Variants in SPTBN1 observed in about 807,000 individuals in gnomAD.
The protein encoded by SPTBN1 is spectrin beta chain, non-erythrocytic 1.
A neutral mutation model predicts 266.4 loss-of-function variants in SPTBN1; 32 were observed. That is an observed-to-expected ratio of 0.12 (90% CI 0.09 to 0.16). The LOEUF (loss-of-function observed/expected upper bound fraction) is 0.16. Ranked by LOEUF, SPTBN1 falls within the 10% of genes least tolerant of loss-of-function variation. The probability of loss-of-function intolerance (pLI) is 1.00; values close to 1 mark genes in which losing one functional copy is unlikely to be tolerated. For missense variants in SPTBN1, 2,296 were observed against 3,067.1 expected, an observed-to-expected ratio of 0.75 and a Z score of 5.94; for synonymous variants, 1,336 against 1,162.2, an observed-to-expected ratio of 1.15 and a Z score of -3.04.
At position 54,489,857 on chromosome 2, in the gene SPTBN1, C is replaced by T. The variant is rs142810844; in HGVS notation, c.-48+33339C>T. Reference sequence around the variant, plus strand: ...AATGTAGGTTATTTATAGAAGATGTCCTTTACTTTGATATAATCTTCCTAA... The same window carrying T: ...AATGTAGGTTATTTATAGAAGATGTTCTTTACTTTGATATAATCTTCCTAA... On this transcript the variant is annotated intron_variant, in intron 1 of 35. Transcript: ENST00000356805. Among the ~76,000 whole-genome samples the T allele has an allele frequency of 3.3e-5, 5 of 152,224 alleles. No homozygotes were observed. In the East Asian group the frequency reaches 9.7e-4, roughly 29 times the overall value.
chr2:54,574,809 G>T (rs1214095923), intron 2 of SPTBN1, among the ~76,000 whole-genome samples: 1 of 152,190 alleles, frequency 6.6e-6, no homozygotes, highest in Admixed American at 6.5e-5. Context: ...TCTTTCTCCT[G>T]CATCAAACAT....
At position 54,664,845 on chromosome 2, in the gene SPTBN1, G is replaced by A; in HGVS notation, c.6659+154G>A. ...TTGCATTCTTCTTGGGCTGACGCTG[G>A]AAAGCAGGAGTAGAATGCTGGTTAT... On this transcript the variant is annotated intron_variant, in intron 33 of 35. Coordinates refer to ENST00000356805, the MANE Select transcript of SPTBN1 (RefSeq NM_003128.3). The surrounding 1 kb of genome is among the most constrained non-coding windows in gnomAD (Gnocchi z 5.6). The A allele has an allele frequency of 1.3e-6, 1 of 751,702 alleles. No homozygotes were observed. Among genetic ancestry groups the A allele is most frequent in the South Asian group, 1.9e-5 (1 of 52,718 alleles). The allele number at this position is 751,702 out of a possible 1,614,324, so 46.6% of individuals were successfully genotyped here.
chr2:54,500,702 A>G (rs746868862), intron 1 of SPTBN1, among the ~76,000 whole-genome samples: 1 of 152,050 alleles, frequency 6.6e-6, no homozygotes, highest in Non-Finnish European at 1.5e-5. Context: ...GCATGCCACC[A>G]CGCCTAGCTA....
chr2:54,558,835 G>A lies in SPTBN1; in HGVS notation c.148+32269G>A. 1 of 1,613,930 alleles carries A rather than the reference G, an allele frequency of 6.2e-7. No individual in the cohort carries two copies. The highest frequency in any genetic ancestry group is 8.5e-7 in the Non-Finnish European group (1 of 1,179,878). ...GGCCGCTGTCGCCGGCGTACACGGG[G>A]CAGGTGCCTTACAACTACAACCAGC... is the stretch of plus-strand genomic sequence containing the variant. On this transcript the variant is annotated intron_variant, in intron 2 of 35. Coordinates refer to ENST00000356805, the MANE Select transcript of SPTBN1 (RefSeq NM_003128.3). This position sits in a 1 kb window ranked among gnomAD's most constrained non-coding sequence, Gnocchi z 4.6.
intron 2 of SPTBN1, among the ~76,000 whole-genome samples, chr2:54,591,095 T>C (rs1675650346): frequency 6.6e-6 from 1 of 152,172 alleles, no homozygotes; most frequent in South Asian, 2.1e-4. Flanking sequence ...CTTTGTAATG[T>C]CTTTTTGTTA....
chr2:54,539,005 G>A (rs929161441), intron 2 of SPTBN1, among the ~76,000 whole-genome samples: 3 of 152,142 alleles, frequency 2.0e-5, no homozygotes, highest in East Asian at 1.9e-4. Flanking sequence ...CCTCTTGCCT[G>A]TATGGTTCAC....
intron 19 of SPTBN1, among the ~76,000 whole-genome samples, chr2:54,643,478 T>C (rs145529897): frequency 2.6e-5 from 4 of 152,342 alleles, no homozygotes; most frequent in Admixed American, 2.0e-4. Flanking sequence ...CTGTGACAGA[T>C]TGCACATAAT....
At chr2:54,561,433 C>T (rs945191615) in intron 2 of SPTBN1, among the ~76,000 whole-genome samples, 2 of 57,258 alleles carry the variant, frequency 3.5e-5, no homozygotes, top group Non-Finnish European at 6.3e-5. Flanking sequence ...CTTGCCAGTC[C>T]TGTACTGGGT....
chr2:54,591,820 A>G (rs1675702082), intron 2 of SPTBN1, among the ~76,000 whole-genome samples: 1 of 152,214 alleles, frequency 6.6e-6, no homozygotes, highest in Non-Finnish European at 1.5e-5. Flanking sequence ...TCTGTATCCT[A>G]ACTTGACTCA....
At chr2:54,517,322 A>G (rs1670162830) in intron 1 of SPTBN1, among the ~76,000 whole-genome samples, 1 of 152,054 alleles carries the variant, frequency 6.6e-6, no homozygotes, top group Non-Finnish European at 1.5e-5. Context: ...ATTACTGTCA[A>G]TCAAAATAGA....
chr2:54,489,416 C>T (rs1290814839), intron 1 of SPTBN1, among the ~76,000 whole-genome samples: 4 of 151,716 alleles, frequency 2.6e-5, no homozygotes, highest in African/African-American at 9.7e-5. Flanking sequence ...AATCATAATT[C>T]TAAGCCGGAT....
intron 29 of SPTBN1, 52 bp downstream of exon 29, chr2:54,656,050 C>T (rs761554805): frequency 2.0e-6 from 3 of 1,473,402 alleles, no homozygotes; most frequent in Admixed American, 1.8e-5. Context: ...GGAAAACATG[C>T]ACGTTTATTT....
At chr2:54,666,777 T>C (rs1040057490) in intron 34 of SPTBN1, among the ~76,000 whole-genome samples, 4 of 152,250 alleles carry the variant, frequency 2.6e-5, no homozygotes, top group Non-Finnish European at 5.9e-5. Context: ...TCTGAAAAGC[T>C]TTGGTCTTCC....
chr2:54,650,338 A>C (rs1680188698), intron 26 of SPTBN1, among the ~76,000 whole-genome samples: 1 of 152,200 alleles, frequency 6.6e-6, no homozygotes, highest in African/African-American at 2.4e-5. Context: ...TTTTTCATCA[A>C]CCAGGTTCTA....
At chr2:54,544,860 T>C (rs1025995355) in intron 2 of SPTBN1, among the ~76,000 whole-genome samples, 11 of 152,156 alleles carry the variant, frequency 7.2e-5, no homozygotes, top group Non-Finnish European at 1.3e-4. Flanking sequence ...ATGTGCCATG[T>C]TGGTTTGCTG....
At chr2:54,630,799 C>T in intron 15 of SPTBN1, 56 bp from the exon 16 acceptor site, 1 of 1,509,198 alleles carries the variant, frequency 6.6e-7, no homozygotes, top group Non-Finnish European at 8.9e-7. Flanking sequence ...CTTTTGCAAT[C>T]CAGCCATGGT....
At chr2:54,544,533 A>G (rs1239589300) in intron 2 of SPTBN1, among the ~76,000 whole-genome samples, 1 of 152,192 alleles carries the variant, frequency 6.6e-6, no homozygotes, top group Admixed American at 6.5e-5. Context: ...ATACTTTTAC[A>G]GGGTCATTTT....
intron 1 of SPTBN1, among the ~76,000 whole-genome samples, chr2:54,491,211 A>G (rs115171321): frequency 1.8e-4 from 27 of 152,226 alleles, no homozygotes; most frequent in African/African-American, 6.5e-4. Context: ...CTTAACCGAC[A>G]GGAAGATTCC....
At chr2:54,516,383 G>A (rs1670110702) in intron 1 of SPTBN1, 1 of 152,156 alleles carries the variant, frequency 6.6e-6, no homozygotes, top group Non-Finnish European at 1.5e-5. Flanking sequence ...CTGTGTTAGG[G>A]TTTAGAGTCA....
Sources: gnomAD v4.1 joint callset for allele counts (sites outside exome capture counted in the v4.1 genomes callset) on GRCh38, gnomAD v4.1.1 for gene constraint, Gnocchi (gnomAD v3.1) non-coding constraint, MANE v1.5 for transcripts, NCBI Gene and HGNC (gene_info 2026-07-23, HGNC 2026-07-21) for gene names.